Variants in MGAT3 observed in about 807,000 individuals in gnomAD.
MGAT3 encodes GlcNAc-T III.
Under a neutral mutation model 29.8 loss-of-function variants are expected in MGAT3, and 9 were observed. The observed-to-expected ratio is 0.30, with a 90% CI of 0.18 to 0.53. The LOEUF is 0.53. Among genes scored for constraint, MGAT3 ranks in the 20% least tolerant of loss-of-function variants. The pLI, the probability that MGAT3 is intolerant of heterozygous loss-of-function variation, is 0.96. For synonymous variants in MGAT3, 397 were observed against 348.9 expected, an observed-to-expected ratio of 1.14 and a Z score of -1.54; for missense variants, 557 against 769.5, an observed-to-expected ratio of 0.72 and a Z score of 3.27.
chr22:39,485,022 G>C (rs1037339281), intron 1 of MGAT3, among the ~76,000 whole-genome samples: 9 of 152,020 alleles, frequency 5.9e-5, no homozygotes, highest in African/African-American at 2.2e-4. Flanking sequence ...GTGAGGGGGA[G>C]AGCATGACCC....
In MGAT3 at chr22:39,487,104, G is replaced by T. The variant is rs1929295666; in HGVS notation, c.-1-243G>T. Among the ~76,000 whole-genome samples, 1 of 152,158 alleles carries T rather than the reference G, an allele frequency of 6.6e-6. No homozygotes were observed. The highest frequency in any genetic ancestry group is 6.5e-5 in the Admixed American group (1 of 15,272). On this transcript the variant is annotated intron_variant, in intron 1 of 1. Coordinates refer to ENST00000341184, the MANE Select transcript of MGAT3 (RefSeq NM_002409.5). This position sits in a 1 kb window ranked among gnomAD's most constrained non-coding sequence, Gnocchi z 5.7. ...AGAAGCAGGCTGCAGAGGGGGCAGG[G>T]TGGTGGCCTGGGGATCTCAGGGAAG...
At chr22:39,482,951 G>C (rs1019217996) in intron 1 of MGAT3, among the ~76,000 whole-genome samples, 18 of 152,362 alleles carry the variant, frequency 1.2e-4, no homozygotes, top group South Asian at 6.2e-4. Context: ...TGAGTAACTA[G>C]ATCCTGAAAG....
At chr22:39,470,685 C>T (rs1928783140) in intron 1 of MGAT3, among the ~76,000 whole-genome samples, 1 of 152,150 alleles carries the variant, frequency 6.6e-6, no homozygotes, top group Non-Finnish European at 1.5e-5. Context: ...GCAGGCTTTC[C>T]TGCCCCTCTG....
At chr22:39,479,707 CAG>C (rs904271117) in intron 1 of MGAT3, among the ~76,000 whole-genome samples, 5 of 152,340 alleles carry the variant, frequency 3.3e-5, no homozygotes, top group South Asian at 2.1e-4. Flanking sequence ...GATGGGAAAA[CAG>C]AGGTACAGAA....
rs745864152 is a variant in MGAT3 at position 39,487,579 on chromosome 22, T to G, written c.232T>G (p.Ser78Ala). 1.8e-5 allele frequency: 29 copies of G among 1,611,502 alleles called. No individual in the cohort carries two copies. The highest frequency in any genetic ancestry group is 2.5e-5 in the Non-Finnish European group (29 of 1,179,586). The change falls in exon 2 of 2, where the codon TCG becomes GCG. Residue 78 changes from serine (S) to alanine (A), a missense_variant. Physicochemically the swap from Ser to Ala is moderately conservative, Grantham distance 99. Around this residue, in one of 3 missense-constraint regions of MGAT3, gnomAD observed 212 missense variants for 228.5 expected, o/e 0.93. Coordinates refer to ENST00000341184, the MANE Select transcript of MGAT3 (RefSeq NM_002409.5). This position sits in a 1 kb window ranked among gnomAD's most constrained non-coding sequence, Gnocchi z 5.7. ...GCTGCGTACCCCACTCTACTCCCAC[T>G]CGCCCCTGCTGCAGCCGCTGCCGCC... Reference protein sequence around the residue: ...DLLRTPLYSHSPLLQPLPPSK... With the variant: ...DLLRTPLYSHAPLLQPLPPSK...
In MGAT3 at chr22:39,457,244, C is replaced by G. The variant is rs1054114054; in HGVS notation, c.-315C>G. The G allele has an allele frequency of 4.3e-4, 62 of 145,844 alleles. No homozygotes were observed. Among genetic ancestry groups the G allele is most frequent in the Admixed American group, 3.0e-3 (44 of 14,714 alleles). 9.0% of individuals were successfully genotyped at this position (145,844 alleles called of 1,614,324 possible). ...CCGCGCTCGGCCTCGCCTCCGCGCCCCCCGCGCGCCCGCCGCGGTCCCTCC... is the reference window on the plus strand; with the variant it reads ...CCGCGCTCGGCCTCGCCTCCGCGCCGCCCGCGCGCCCGCCGCGGTCCCTCC... On this transcript the variant is annotated 5_prime_UTR_variant, in exon 1 of 2. Coordinates refer to ENST00000341184, the MANE Select transcript of MGAT3 (RefSeq NM_002409.5). This position sits in a 1 kb window ranked among gnomAD's most constrained non-coding sequence, Gnocchi z 6.8.
intron 1 of MGAT3, among the ~76,000 whole-genome samples, chr22:39,463,694 T>C (rs1478675824): frequency 1.3e-5 from 2 of 151,992 alleles, no homozygotes; most frequent in Non-Finnish European, 1.5e-5. Context: ...GGAGGATTCA[T>C]TGAGTCCAGG....
chr22:39,488,075 C>CGGCTTAT lies in MGAT3; in HGVS notation c.731_737dup (p.Glu247LeufsTer72). 1 of 1,612,330 alleles carries CGGCTTAT rather than the reference C, an allele frequency of 6.2e-7. No individual in the cohort carries two copies. The highest frequency in any genetic ancestry group is 8.5e-7 in the Non-Finnish European group (1 of 1,179,108). On this transcript the variant is annotated frameshift_variant, in exon 2 of 2. Transcript: ENST00000341184. LOFTEE classifies it high-confidence loss of function. ...TTTGTGGTGTGCGAGTCCAACTTCA[C>CGGCTTAT]GGCTTATGGGGAGCCGCGGCCGCTC...
In MGAT3 at chr22:39,457,197, C is replaced by G. The variant is rs1928351372; in HGVS notation, c.-362C>G. ...TGGGGGCCGGAGCCGCTTGAGCCGGCGGGAGCGGGCACCCCTGCGCGCCGC... is the reference window on the plus strand; with the variant it reads ...TGGGGGCCGGAGCCGCTTGAGCCGGGGGGAGCGGGCACCCCTGCGCGCCGC... On this transcript the variant is annotated 5_prime_UTR_variant, in exon 1 of 2. Transcript: ENST00000341184. This position sits in a 1 kb window ranked among gnomAD's most constrained non-coding sequence, Gnocchi z 6.8. 1 of 141,346 alleles carries G rather than the reference C, an allele frequency of 7.1e-6. No homozygotes were observed. 8.8% of individuals were successfully genotyped at this position (141,346 alleles called of 1,614,324 possible). A position where few individuals can be genotyped will look rare whatever the true frequency, so the allele number is the denominator to read the frequency against.
intron 1 of MGAT3, among the ~76,000 whole-genome samples, chr22:39,478,670 T>G (rs1929038961): frequency 6.6e-6 from 1 of 152,160 alleles, no homozygotes; most frequent in African/African-American, 2.4e-5. Context: ...AGTCTGCACC[T>G]GGGAGGCTGC....
rs752776138 is a variant in MGAT3, at chr22:39,488,939, C to T, written c.1592C>T (p.Ala531Val). The T allele has an allele frequency of 2.5e-6, 4 of 1,604,782 alleles. No individual in the cohort carries two copies. In the South Asian group the frequency reaches 3.3e-5, roughly 13 times the overall value. ...CCCGCCCGGGGCAAACTGGACGAGG[C>T]GGAAGTCTAGAGCTGCATGATCTGA... ...RPPARGKLDE[A>V]EV Residue 531 changes from alanine (A) to valine (V), a missense_variant, in exon 2 of 2, where the codon GCG becomes GTG. Transcript: ENST00000341184.
At chr22:39,476,695 C>T (rs5757690) in intron 1 of MGAT3, 22,869 of 152,068 alleles carry the variant, frequency 0.15, 2,858 homozygotes, top group East Asian at 0.75. Context: ...GGGGAGTCTC[C>T]GTTTCCGTCT....
At chr22:39,458,607 A>C (rs1672265008) in intron 1 of MGAT3, among the ~76,000 whole-genome samples, 1 of 152,124 alleles carries the variant, frequency 6.6e-6, no homozygotes, top group Admixed American at 6.5e-5. Flanking sequence ...AGGAGTGCTA[A>C]GGGGAGCCGC....
intron 1 of MGAT3, among the ~76,000 whole-genome samples, chr22:39,479,737 A>G (rs1000274613): frequency 2.0e-5 from 3 of 152,260 alleles, no homozygotes; most frequent in African/African-American, 7.2e-5. Flanking sequence ...TAACCTGCAC[A>G]AGGCCACACA....
In MGAT3 at chr22:39,489,344, G is replaced by T. The variant is rs752815973; in HGVS notation, c.*395G>T. The T allele has an allele frequency of 8.3e-5, 21 of 251,988 alleles. No homozygotes were observed. Among genetic ancestry groups the T allele is most frequent in the Non-Finnish European group, 1.6e-4 (19 of 121,126 alleles). The allele number at this position is 251,988 out of a possible 1,614,324, so 15.6% of individuals were successfully genotyped here. On this transcript the variant is annotated 3_prime_UTR_variant, in exon 2 of 2. Coordinates refer to ENST00000341184, the MANE Select transcript of MGAT3 (RefSeq NM_002409.5). The stretch of plus-strand genomic sequence containing the variant: ...CAGGCCGGGAAAAAGCCCACCATTT[G>T]GCATCCCTGGGCCTTGGGCTCCGTG...
chr22:39,481,391 G>A lies in MGAT3; in HGVS notation c.-1-5956G>A, dbSNP rs149946899. On this transcript the variant is annotated intron_variant, in intron 1 of 1. Coordinates refer to ENST00000341184, the MANE Select transcript of MGAT3 (RefSeq NM_002409.5). ...AGCCTCTTTGGGCGCGCAGTTTTCT[G>A]AGCTGACTAGTGTGTTTGTAGTTTA... Among the ~76,000 whole-genome samples the A allele has an allele frequency of 5.9e-3, 901 of 152,336 alleles. 36 individuals carry two copies. Among genetic ancestry groups the A allele is most frequent in the Admixed American group, 0.052 (790 of 15,298 alleles).
rs1394629684 is a variant in MGAT3, at chr22:39,488,349, T to C, written c.1002T>C (p.Asp334=). ...GCGTCCTTTTCCTCAAGCTCTACGA[T>C]GGCTGGACCGAGCCCTTCGCCTTCC... ...RDGVLFLKLY[D]GWTEPFAFHM... The change falls in exon 2 of 2, where the codon GAT becomes GAC. Residue 334 remains aspartate (D), a synonymous_variant. Transcript: ENST00000341184. The C allele has an allele frequency of 2.5e-6, 4 of 1,612,604 alleles. No individual in the cohort carries two copies. The highest frequency in any genetic ancestry group is 3.4e-6 in the Non-Finnish European group (4 of 1,180,022).
intron 1 of MGAT3, among the ~76,000 whole-genome samples, chr22:39,468,230 A>C (rs1230968115): frequency 6.6e-6 from 1 of 152,118 alleles, no homozygotes; most frequent in African/African-American, 2.4e-5. Flanking sequence ...CCCAGGGGCA[A>C]CGCTGCCACC....
chr22:39,464,190 C>T (rs1227732270), intron 1 of MGAT3, among the ~76,000 whole-genome samples: 1 of 152,194 alleles, frequency 6.6e-6, no homozygotes, highest in Non-Finnish European at 1.5e-5. Context: ...AAGTCCCAGG[C>T]AGGGCATGAT....
Sources: gnomAD v4.1 joint callset for allele counts (sites outside exome capture counted in the v4.1 genomes callset) on GRCh38, gnomAD v4.1.1 for gene constraint, gnomAD v4.1.1 regional missense constraint, Gnocchi (gnomAD v3.1) non-coding constraint, MANE v1.5 for transcripts, NCBI Gene and HGNC (gene_info 2026-07-23, HGNC 2026-07-21) for gene names.